Variants in CWC27 observed in about 807,000 individuals in gnomAD.
CWC27 encodes CWC27 spliceosome associated cyclophilin, also known as spliceosome-associated protein CWC27 homolog.
A neutral mutation model predicts 63.6 loss-of-function variants in CWC27; 47 were observed. The observed-to-expected ratio is 0.74, with a 90% CI of 0.58 to 0.94. The LOEUF (loss-of-function observed/expected upper bound fraction) is 0.94, where lower values mean the gene tolerates loss of function less well. CWC27 is among the 40% of genes least tolerant of loss of function. The probability of loss-of-function intolerance (pLI) is 0.00; values close to 1 mark genes in which losing one functional copy is unlikely to be tolerated. For synonymous variants in CWC27, 175 were observed against 179.8 expected, an observed-to-expected ratio of 0.97 and a Z score of 0.22; for missense variants, 495 against 554.3, an observed-to-expected ratio of 0.89 and a Z score of 1.07.
At position 64,883,751 on chromosome 5, in the gene CWC27, A is replaced by G. The variant is rs184682029; in HGVS notation, c.939-1692A>G. On this transcript the variant is annotated intron_variant, in intron 10 of 13. Transcript: ENST00000381070. ...GTTAGAGGTTAATAAAGCAGACTGT[A>G]TAGGTAAACTATTCTTTCAAGAATG... 2.6e-5 allele frequency among the ~76,000 whole-genome samples: 4 copies of G among 152,358 alleles called. No individual in the cohort carries two copies. The East Asian group carries it at 5.8e-4, about 22-fold the overall frequency.
At chr5:64,871,916 C>G (rs1681656881) in intron 10 of CWC27, among the ~76,000 whole-genome samples, 1 of 152,028 alleles carries the variant, frequency 6.6e-6, no homozygotes, top group Admixed American at 6.6e-5. Context: ...AAAATACTTC[C>G]TGGGAGACTT....
intron 11 of CWC27, among the ~76,000 whole-genome samples, chr5:64,934,367 C>A (rs1160895498): frequency 6.6e-6 from 1 of 152,146 alleles, no homozygotes; most frequent in African/African-American, 2.4e-5. Context: ...GTTTTCTGTT[C>A]CTGTGTTAGT....
intron 11 of CWC27, among the ~76,000 whole-genome samples, chr5:64,908,732 C>T (rs1747717378): frequency 1.3e-5 from 2 of 152,112 alleles, no homozygotes; most frequent in Non-Finnish European, 2.9e-5. Context: ...TTTCCATTTG[C>T]TTGGTAGATC....
At chr5:64,891,801 G>GTTGTTA (rs1561144872) in intron 11 of CWC27, among the ~76,000 whole-genome samples, 1 of 151,630 alleles carries the variant, frequency 6.6e-6, no homozygotes, top group African/African-American at 2.4e-5. Flanking sequence ...TGTTGTTGTT[G>GTTGTTA]TTGTTGTTGT....
At chr5:64,852,428 C>G (rs1166824839) in intron 10 of CWC27, among the ~76,000 whole-genome samples, 1 of 151,640 alleles carries the variant, frequency 6.6e-6, no homozygotes, top group African/African-American at 2.4e-5. Flanking sequence ...CAGGGAGGGA[C>G]AAAAGAGCCA....
intron 11 of CWC27, among the ~76,000 whole-genome samples, chr5:64,955,459 A>G (rs1748787223): frequency 6.6e-6 from 1 of 152,218 alleles, no homozygotes. Flanking sequence ...CACAAGCAAT[A>G]TGACCTGTTA....
chr5:64,987,924 T>C (rs1459039152), intron 13 of CWC27, among the ~76,000 whole-genome samples: 1 of 152,220 alleles, frequency 6.6e-6, no homozygotes, highest in Non-Finnish European at 1.5e-5. Flanking sequence ...GTTTACTATG[T>C]GTGATGTTGG....
chr5:64,890,625 T>G (rs930488825), intron 11 of CWC27, among the ~76,000 whole-genome samples: 2 of 152,208 alleles, frequency 1.3e-5, no homozygotes, highest in African/African-American at 4.8e-5. Flanking sequence ...GTGCTAATTT[T>G]TACTTTATTT....
intron 10 of CWC27, among the ~76,000 whole-genome samples, chr5:64,814,312 A>G (rs772740171): frequency 1.3e-4 from 20 of 152,122 alleles, no homozygotes; most frequent in Admixed American, 2.0e-4. Flanking sequence ...ATTAGTAAGT[A>G]TCAGTCTCCT....
chr5:64,839,451 G>A (rs1344933105), intron 10 of CWC27, among the ~76,000 whole-genome samples: 1 of 152,180 alleles, frequency 6.6e-6, no homozygotes, highest in Non-Finnish European at 1.5e-5. Context: ...TTGTGAACAA[G>A]GAAAGCTTAA....
At chr5:64,843,513 AT>A (rs1170247065) in intron 10 of CWC27, among the ~76,000 whole-genome samples, 1 of 152,204 alleles carries the variant, frequency 6.6e-6, no homozygotes, top group Non-Finnish European at 1.5e-5. Context: ...AATTCCACTA[AT>A]GACATAACTC....
chr5:64,775,598 A>C (rs2112145568), intron 2 of CWC27, among the ~76,000 whole-genome samples: 1 of 152,182 alleles, frequency 6.6e-6, no homozygotes, highest in East Asian at 1.9e-4. Flanking sequence ...GTCTGTTCAA[A>C]ATTCTAGTTT....
chr5:64,985,830 T>A (rs1204108224), intron 13 of CWC27, among the ~76,000 whole-genome samples: 1 of 152,224 alleles, frequency 6.6e-6, no homozygotes, highest in Non-Finnish European at 1.5e-5. Flanking sequence ...GTTCCCAGTC[T>A]TTGGGGAAAA....
In CWC27 at chr5:64,861,942, A is replaced by G. The variant is rs567202964; in HGVS notation, c.939-23501A>G. The stretch of plus-strand genomic sequence containing the variant: ...TACAATGTCATTCTTCTAATGTTAC[A>G]TAGATACATGTATTTATCCTGTGCA... On this transcript the variant is annotated intron_variant, in intron 10 of 13. Transcript: ENST00000381070. 3.3e-5 allele frequency among the ~76,000 whole-genome samples: 5 copies of G among 152,388 alleles called. No homozygotes were observed. The South Asian group carries it at 8.3e-4, about 25-fold the overall frequency.
intron 11 of CWC27, among the ~76,000 whole-genome samples, chr5:64,960,311 A>G (rs1487584147): frequency 6.6e-6 from 1 of 152,084 alleles, no homozygotes; most frequent in Non-Finnish European, 1.5e-5. Context: ...CAGGCTTATA[A>G]TCCATGTGAT....
At chr5:64,983,730 G>C (rs557933541) in intron 13 of CWC27, among the ~76,000 whole-genome samples, 2 of 152,160 alleles carry the variant, frequency 1.3e-5, no homozygotes, top group Non-Finnish European at 2.9e-5. Context: ...GTCCTTAACT[G>C]TTTTGAAGTG....
chr5:64,992,657 A>G (rs1035759758), intron 13 of CWC27, among the ~76,000 whole-genome samples: 11 of 146,898 alleles, frequency 7.5e-5, no homozygotes, highest in African/African-American at 2.8e-4. Flanking sequence ...TCAGCCTCCC[A>G]CGTAGCTGGG....
rs71608574 is a variant in CWC27, at chr5:64,905,200, C to CAAAAAAAAA, written c.1042+19670_1042+19678dup. On this transcript the variant is annotated intron_variant, in intron 11 of 13. Transcript: ENST00000381070. ...TGGGCGACAGAGCCACACTACATCT[C>CAAAAAAAAA]AAAAAAAAAAAAAAAAAAAAAAAAC... 7.2e-4 allele frequency among the ~76,000 whole-genome samples: 40 copies of CAAAAAAAAA among 55,554 alleles called. 1 individual carries two copies. Among genetic ancestry groups the CAAAAAAAAA allele is most frequent in the African/African-American group, 2.6e-3 (38 of 14,822 alleles). 36.4% of individuals were successfully genotyped at this position (55,554 alleles called of 152,430 possible).
intron 10 of CWC27, among the ~76,000 whole-genome samples, chr5:64,848,121 CTT>C (rs1007081020): frequency 4.9e-4 from 74 of 151,838 alleles, no homozygotes; most frequent in African/African-American, 1.8e-3. Context: ...TTTTAGCTAA[CTT>C]AAGAGAAAAG....
Sources: gnomAD v4.1 joint callset for allele counts (sites outside exome capture counted in the v4.1 genomes callset) on GRCh38, gnomAD v4.1.1 for gene constraint, MANE v1.5 for transcripts, NCBI Gene and HGNC (gene_info 2026-07-23, HGNC 2026-07-21) for gene names.